MERTK: variants seen among roughly 807,000 people sequenced by gnomAD.
MERTK encodes MER proto-oncogene, tyrosine kinase, also known as tyrosine-protein kinase Mer.
Under a neutral mutation model 99.3 loss-of-function variants are expected in MERTK, and 69 were observed. The ratio of observed to expected loss-of-function variants is 0.70; its 90% CI spans 0.57 to 0.85. The LOEUF is 0.85. Among genes scored for constraint, MERTK ranks in the 40% least tolerant of loss-of-function variants. MERTK has a pLI of 0.00. For synonymous variants in MERTK, 426 were observed against 467.6 expected, an observed-to-expected ratio of 0.91 and a Z score of 1.15; for missense variants, 1,125 against 1,249.4, an observed-to-expected ratio of 0.90 and a Z score of 1.50.
chr2:112,023,062 G>C (rs1471460207), intron 18 of MERTK, among the ~76,000 whole-genome samples: 3 of 152,092 alleles, frequency 2.0e-5, no homozygotes, highest in Non-Finnish European at 4.4e-5. Flanking sequence ...CAGATCGTTT[G>C]AGCCCAGGAG....
At chr2:112,005,180 G>A (rs992368564) in intron 13 of MERTK, among the ~76,000 whole-genome samples, 2 of 151,946 alleles carry the variant, frequency 1.3e-5, no homozygotes, top group African/African-American at 2.4e-5. Flanking sequence ...TGATTCTCCC[G>A]CCTCAGTCTC....
chr2:111,927,859 C>A (rs11681295), intron 1 of MERTK, among the ~76,000 whole-genome samples: 79,629 of 151,830 alleles, frequency 0.52, 21,038 homozygotes, highest in Middle Eastern at 0.56. Flanking sequence ...GGATGGAGCC[C>A]CCACTGTGTA....
intron 1 of MERTK, among the ~76,000 whole-genome samples, chr2:111,923,822 G>A (rs938719424): frequency 6.6e-6 from 1 of 152,140 alleles, no homozygotes; most frequent in African/African-American, 2.4e-5. Context: ...AAAACAGGGG[G>A]AAAAGATACG....
At chr2:111,991,910 C>G (rs1676627605) in intron 8 of MERTK, among the ~76,000 whole-genome samples, 1 of 152,136 alleles carries the variant, frequency 6.6e-6, no homozygotes. Flanking sequence ...AGCTTCAGAG[C>G]TTTAACGGTG....
At chr2:111,905,694 C>T (rs1684125066) in intron 1 of MERTK, among the ~76,000 whole-genome samples, 1 of 152,180 alleles carries the variant, frequency 6.6e-6, no homozygotes, top group South Asian at 2.1e-4. Flanking sequence ...GTCTCGAACT[C>T]CTGGCCTCAG....
chr2:111,916,754 A>T (rs950100416), intron 1 of MERTK, among the ~76,000 whole-genome samples: 9 of 151,808 alleles, frequency 5.9e-5, no homozygotes, highest in South Asian at 2.1e-4. Flanking sequence ...TTATTTATTT[A>T]TTTTTTTGGC....
chr2:111,920,559 TTG>T (rs34598506), intron 1 of MERTK, among the ~76,000 whole-genome samples: 55,752 of 143,588 alleles, frequency 0.39, 11,026 homozygotes, highest in East Asian at 0.75. Context: ...TGATTGAAGG[TTG>T]TTTTTTTTTT....
intron 4 of MERTK, 32 bp from the exon 5 acceptor site, chr2:111,965,159 C>T (rs1391324616): frequency 1.3e-6 from 2 of 1,588,988 alleles, no homozygotes; most frequent in Non-Finnish European, 1.7e-6. Context: ...TGTTTCTCTG[C>T]TGCTGGTCTC....
At chr2:111,986,765 T>C (rs1214088513) in intron 8 of MERTK, among the ~76,000 whole-genome samples, 2 of 152,226 alleles carry the variant, frequency 1.3e-5, no homozygotes, top group Admixed American at 1.3e-4. Flanking sequence ...GGATGCCAGA[T>C]CATCCCAGTG....
chr2:111,924,039 C>T (rs371417567), intron 1 of MERTK, among the ~76,000 whole-genome samples: 1 of 152,058 alleles, frequency 6.6e-6, no homozygotes, highest in South Asian at 2.1e-4. Flanking sequence ...ACAATTTATA[C>T]AGCCAACAAC....
chr2:111,905,433 C>CTTTTTTTTTT (rs61232340), intron 1 of MERTK, among the ~76,000 whole-genome samples: 5 of 85,274 alleles, frequency 5.9e-5, no homozygotes, highest in East Asian at 3.5e-4. Context: ...CTACACTGTT[C>CTTTTTTTTTT]TTTTTTTTTT....
chr2:111,984,044 G>A (rs1181059622), intron 8 of MERTK, among the ~76,000 whole-genome samples: 1 of 152,200 alleles, frequency 6.6e-6, no homozygotes, highest in African/African-American at 2.4e-5. Flanking sequence ...CTCACGATCT[G>A]CCATCTGGAA....
intron 5 of MERTK, among the ~76,000 whole-genome samples, chr2:111,967,303 ACTT>A (rs1178802668): frequency 2.0e-5 from 3 of 152,296 alleles, no homozygotes; most frequent in Admixed American, 2.0e-4. Context: ...TTGTAAGACT[ACTT>A]CTCTAATTGG....
chr2:111,909,141 C>T (rs796776077), intron 1 of MERTK, among the ~76,000 whole-genome samples: 2 of 152,130 alleles, frequency 1.3e-5, no homozygotes, highest in African/African-American at 4.8e-5. Flanking sequence ...GGCAAAGGTG[C>T]AGAGAAAAGG....
chr2:111,962,094 T>C (rs1685261415), intron 4 of MERTK, among the ~76,000 whole-genome samples: 1 of 152,222 alleles, frequency 6.6e-6, no homozygotes. Flanking sequence ...AATGGTGGCA[T>C]ATTTTCAACA....
At chr2:111,982,815 ATTC>A in intron 7 of MERTK, 24 bp from the exon 8 acceptor site, 1 of 1,612,814 alleles carries the variant, frequency 6.2e-7, no homozygotes, top group Non-Finnish European at 8.5e-7. Context: ...GTGGTTCTTC[ATTC>A]TTCTCTCCTT....
intron 18 of MERTK, among the ~76,000 whole-genome samples, chr2:112,026,886 G>T (rs1194232842): frequency 6.6e-6 from 1 of 152,178 alleles, no homozygotes; most frequent in Non-Finnish European, 1.5e-5. Flanking sequence ...GCATATTTCT[G>T]TTCGTAAGAT....
intron 1 of MERTK, among the ~76,000 whole-genome samples, chr2:111,927,780 C>T (rs911310087): frequency 4.6e-5 from 7 of 152,146 alleles, no homozygotes; most frequent in African/African-American, 1.7e-4. Flanking sequence ...CTACTCCCTG[C>T]ACACACACAC....
intron 13 of MERTK, among the ~76,000 whole-genome samples, chr2:112,007,083 A>G (rs1676995244): frequency 6.6e-6 from 1 of 152,176 alleles, no homozygotes; most frequent in Non-Finnish European, 1.5e-5. Context: ...TTTTAAGTGT[A>G]CAATTCAGTG....
Sources: gnomAD v4.1 joint callset for allele counts (sites outside exome capture counted in the v4.1 genomes callset) on GRCh38, gnomAD v4.1.1 for gene constraint, MANE v1.5 for transcripts, NCBI Gene and HGNC (gene_info 2026-07-23, HGNC 2026-07-21) for gene names.